Variants in NOSIP observed in about 807,000 individuals in gnomAD.
NOSIP encodes nitric oxide synthase interacting protein.
A neutral mutation model predicts 36.4 loss-of-function variants in NOSIP; 25 were observed. That is an observed-to-expected ratio of 0.69 (90% confidence interval 0.50 to 0.96). The LOEUF is 0.96. NOSIP is among the 40% of genes least tolerant of loss of function. The pLI, the probability that NOSIP is intolerant of heterozygous loss-of-function variation, is 0.00. For missense variants in NOSIP, 370 were observed against 429.0 expected (o/e 0.86, Z 1.21); for synonymous variants, 187 against 179.2 (o/e 1.04, Z -0.35).
intron 1 of NOSIP, among the ~76,000 whole-genome samples, chr19:49,564,019 C>T (rs73934005): frequency 0.11 from 16,636 of 152,166 alleles, 2,426 homozygotes; most frequent in African/African-American, 0.32. Context: ...AATACTAAGA[C>T]ATTATTTGCC....
chr19:49,564,483 A>C (rs943884007), intron 1 of NOSIP, among the ~76,000 whole-genome samples: 1 of 151,068 alleles, frequency 6.6e-6, no homozygotes, highest in Admixed American at 6.6e-5. Context: ...AAAACAAAAT[A>C]AAACTTCATT....
intron 1 of NOSIP, among the ~76,000 whole-genome samples, chr19:49,569,921 G>A (rs1425712795): frequency 3.3e-5 from 5 of 152,002 alleles, no homozygotes; most frequent in African/African-American, 1.2e-4. Flanking sequence ...AGACCAGCCT[G>A]GTCAACATGG....
At chr19:49,568,568 T>A (rs2080440666) in intron 1 of NOSIP, among the ~76,000 whole-genome samples, 1 of 152,062 alleles carries the variant, frequency 6.6e-6, no homozygotes, top group Non-Finnish European at 1.5e-5. Flanking sequence ...ATTCACATTT[T>A]CAAAATAAGC....
intron 1 of NOSIP, among the ~76,000 whole-genome samples, chr19:49,571,122 G>A (rs1302001986): frequency 2.0e-5 from 3 of 150,078 alleles, no homozygotes; most frequent in African/African-American, 7.4e-5. Context: ...GATAACAGGC[G>A]CCCACGCCCA....
chr19:49,568,441 A>C (rs1204393921), intron 1 of NOSIP, among the ~76,000 whole-genome samples: 1 of 144,342 alleles, frequency 6.9e-6, no homozygotes, highest in Non-Finnish European at 1.6e-5. Context: ...GTGTATTCCC[A>C]CACACACACT....
At chr19:49,557,662 G>A (rs995078833) in intron 4 of NOSIP, 3 of 1,019,710 alleles carry the variant, frequency 2.9e-6, no homozygotes, top group African/African-American at 3.4e-5. Flanking sequence ...TACAGTGCAT[G>A]CCCCAGCCCG....
In NOSIP at chr19:49,557,152, G is replaced by A. The variant is rs758056354; in HGVS notation, c.356C>T (p.Ser119Leu). ...DHVRGFLEKE[S>L]AIVSRPLNPF... Reference sequence around the variant, plus strand: ...GTTGAGGGGCCGGCTCACGATAGCCGACTCCTTCTCCAGGAAGCCCCGCAC... The same window carrying A: ...GTTGAGGGGCCGGCTCACGATAGCCAACTCCTTCTCCAGGAAGCCCCGCAC... The change falls in exon 5 of 9, where the codon TCG becomes TTG. Residue 119 changes from serine to leucine, a missense_variant. Ser to Leu is a moderately radical substitution (Grantham distance 145). Transcript: ENST00000596358. 1.9e-6 allele frequency: 3 copies of A among 1,612,140 alleles called. No homozygotes were observed. Among genetic ancestry groups the A allele is most frequent in the Non-Finnish European group, 2.5e-6 (3 of 1,179,374 alleles).
rs1210883496 is a variant in NOSIP, at chr19:49,555,656, T to A, written c.*95A>T. On this transcript the variant is annotated 3_prime_UTR_variant, in exon 9 of 9. Coordinates refer to ENST00000596358, the MANE Select transcript of NOSIP (RefSeq NM_001270960.2). ...GGAGCACTGTTTGCACGGCCCTGCA[T>A]CCTCGCCTGCCCTGTCCCCGGGGCG... 4 of 1,027,328 alleles carry A rather than the reference T, an allele frequency of 3.9e-6. No individual in the cohort carries two copies. The African/African-American group carries it at 4.7e-5, about 12-fold the overall frequency. The allele number at this position is 1,027,328 out of a possible 1,614,324, so 63.6% of individuals were successfully genotyped here. A position where few individuals can be genotyped will look rare whatever the true frequency, so the allele number is the denominator to read the frequency against.
At position 49,567,146 on chromosome 19, in the gene NOSIP, G is replaced by A. The variant is rs1424918225; in HGVS notation, c.-1-6454C>T. ...ACTTTTTTTTTTTTTTTTTTGAGAC[G>A]GAGTCTCGCTCTGTCTCCCAGGCTG... is the stretch of plus-strand genomic sequence containing the variant. On this transcript the variant is annotated intron_variant, in intron 1 of 8. Coordinates refer to ENST00000596358, the MANE Select transcript of NOSIP (RefSeq NM_001270960.2). 9.0e-4 allele frequency among the ~76,000 whole-genome samples: 96 copies of A among 106,794 alleles called. 3 individuals carry two copies. Among genetic ancestry groups the A allele is most frequent in the African/African-American group, 3.2e-3 (87 of 27,048 alleles). The allele number at this position is 106,794 out of a possible 152,430, so 70.1% of individuals were successfully genotyped here. A position where few individuals can be genotyped will look rare whatever the true frequency, so the allele number is the denominator to read the frequency against.
At position 49,555,678 on chromosome 19, in the gene NOSIP, G is replaced by A. The variant is rs895612653; in HGVS notation, c.*73C>T. The A allele has an allele frequency of 3.1e-6, 4 of 1,303,722 alleles. No homozygotes were observed. The Admixed American group carries it at 6.9e-5, about 22-fold the overall frequency. The allele number at this position is 1,303,722 out of a possible 1,614,324, so 80.8% of individuals were successfully genotyped here. On this transcript the variant is annotated 3_prime_UTR_variant, in exon 9 of 9. Transcript: ENST00000596358. ...GCATCCTCGCCTGCCCTGTCCCCGGGGCGCCCACGCCGCGAATGAAGGCGC... is the reference window on the plus strand; with the variant it reads ...GCATCCTCGCCTGCCCTGTCCCCGGAGCGCCCACGCCGCGAATGAAGGCGC...
At chr19:49,573,144 AT>A (rs1343370504) in intron 1 of NOSIP, among the ~76,000 whole-genome samples, 2 of 152,160 alleles carry the variant, frequency 1.3e-5, no homozygotes, top group African/African-American at 2.4e-5. Flanking sequence ...GCCCTAGGTT[AT>A]GCAGCTAGTG....
intron 5 of NOSIP, 39 bp downstream of exon 5, chr19:49,557,051 C>T: frequency 1.3e-6 from 2 of 1,590,812 alleles, no homozygotes; most frequent in East Asian, 2.3e-5. Flanking sequence ...GCCCGCGGCG[C>T]CCCGCCCCCC....
In NOSIP at chr19:49,555,826, G is replaced by A. The variant is rs181358097; in HGVS notation, c.835-4C>T. On this transcript the variant is annotated splice_polypyrimidine_tract_variant and splice_region_variant and intron_variant, in intron 8 of 8. Coordinates refer to ENST00000596358, the MANE Select transcript of NOSIP (RefSeq NM_001270960.2). ...AGCCCGCGAAGCCGGTACCGCCCTG[G>A]GGGAGGTAGAGAGAAGGACGAGGTA... is the stretch of plus-strand genomic sequence containing the variant. 1.2e-5 allele frequency: 19 copies of A among 1,612,238 alleles called. No homozygotes were observed. The highest frequency in any genetic ancestry group is 1.6e-5 in the Non-Finnish European group (19 of 1,178,982).
chr19:49,557,619 T>C, intron 4 of NOSIP: 4 of 1,120,200 alleles, frequency 3.6e-6, no homozygotes, highest in Non-Finnish European at 4.4e-6. Flanking sequence ...AAGCATTTAA[T>C]TAATGTCACC....
At chr19:49,578,939 A>C (rs984015759) in intron 1 of NOSIP, among the ~76,000 whole-genome samples, 59 of 149,722 alleles carry the variant, frequency 3.9e-4, no homozygotes, top group Admixed American at 2.5e-3. Flanking sequence ...TAAATACTTA[A>C]AAAAAAAAAG....
intron 4 of NOSIP, chr19:49,557,663 C>T: frequency 2.9e-6 from 3 of 1,019,288 alleles, no homozygotes; most frequent in Non-Finnish European, 3.5e-6. Context: ...ACAGTGCATG[C>T]CCCAGCCCGT....
At chr19:49,561,090 A>C (rs1230631280) in intron 1 of NOSIP, among the ~76,000 whole-genome samples, 1 of 152,128 alleles carries the variant, frequency 6.6e-6, no homozygotes, top group Non-Finnish European at 1.5e-5. Flanking sequence ...TTCCCCTCTC[A>C]TATCTGTAAG....
At position 49,557,151 on chromosome 19, in the gene NOSIP, C is replaced by A. The variant is rs535685725; in HGVS notation, c.357G>T (p.Ser119=). The stretch of plus-strand genomic sequence containing the variant: ...GGTTGAGGGGCCGGCTCACGATAGC[C>A]GACTCCTTCTCCAGGAAGCCCCGCA... The part of the protein sequence containing the change: ...DHVRGFLEKE[S]AIVSRPLNPF... The change falls in exon 5 of 9, where the codon TCG becomes TCT. Residue 119 remains serine (S), a synonymous_variant. Coordinates refer to ENST00000596358, the MANE Select transcript of NOSIP (RefSeq NM_001270960.2). 1.2e-6 allele frequency: 2 copies of A among 1,612,090 alleles called. No homozygotes were observed. Among genetic ancestry groups the A allele is most frequent in the African/African-American group, 2.7e-5 (2 of 74,916 alleles).
intron 1 of NOSIP, among the ~76,000 whole-genome samples, chr19:49,576,534 GCCACTGCA>G (rs1277796683): frequency 1.1e-4 from 17 of 151,648 alleles, no homozygotes; most frequent in Non-Finnish European, 2.2e-4. Context: ...TTATGATCGT[GCCACTGCA>G]CCACTGCACT....
Sources: gnomAD v4.1 joint callset for allele counts (sites outside exome capture counted in the v4.1 genomes callset) on GRCh38, gnomAD v4.1.1 for gene constraint, MANE v1.5 for transcripts, NCBI Gene and HGNC (gene_info 2026-07-23, HGNC 2026-07-21) for gene names.